The following EPB41L2 variants were observed in gnomAD, a reference collection of about 807,000 sequenced individuals.
The protein encoded by EPB41L2 is erythrocyte membrane protein band 4.1 like 2.
A neutral mutation model predicts 113.0 loss-of-function variants in EPB41L2; 43 were observed. That is an observed-to-expected ratio of 0.38 (90% confidence interval 0.30 to 0.49). The LOEUF (loss-of-function observed/expected upper bound fraction) is 0.49. EPB41L2 is among the 20% of genes least tolerant of loss of function. The pLI is 0.95. For synonymous variants in EPB41L2, 442 were observed against 436.7 expected (o/e 1.01, Z -0.15); for missense variants, 1,147 against 1,223.4 (o/e 0.94, Z 0.93).
chr6:130,942,099 A>G (rs1398409051), intron 3 of EPB41L2, among the ~76,000 whole-genome samples: 1 of 152,188 alleles, frequency 6.6e-6, no homozygotes, highest in Non-Finnish European at 1.5e-5. Context: ...CAATCCCTTT[A>G]AGCTCCAAAT....
At chr6:130,850,269 G>T (rs879369101) in intron 19 of EPB41L2, among the ~76,000 whole-genome samples, 5 of 152,044 alleles carry the variant, frequency 3.3e-5, no homozygotes, top group Non-Finnish European at 2.9e-5. Context: ...CAACCTTCGT[G>T]GCATACCAAC....
At chr6:130,928,353 C>T (rs745883490) in intron 3 of EPB41L2, among the ~76,000 whole-genome samples, 9 of 152,158 alleles carry the variant, frequency 5.9e-5, no homozygotes, top group South Asian at 2.1e-4. Flanking sequence ...AGACACTTAA[C>T]GTCTGCTTGC....
chr6:131,041,161 TACTGTCA>T (rs1794386174), intron 1 of EPB41L2, among the ~76,000 whole-genome samples: 1 of 152,186 alleles, frequency 6.6e-6, no homozygotes, highest in Admixed American at 6.5e-5. Context: ...ATTAGAGAAC[TACTGTCA>T]ACTGATATAA....
intron 4 of EPB41L2, among the ~76,000 whole-genome samples, chr6:130,923,970 A>G (rs895049557): frequency 6.6e-6 from 1 of 152,130 alleles, no homozygotes; most frequent in Admixed American, 6.5e-5. Flanking sequence ...CCCATTAAAC[A>G]ATTCCTCAAC....
chr6:130,914,334 T>C (rs982520465), intron 4 of EPB41L2, among the ~76,000 whole-genome samples: 4 of 152,236 alleles, frequency 2.6e-5, no homozygotes, highest in Non-Finnish European at 4.4e-5. Context: ...TGATGTGTTA[T>C]ATACATTAAA....
chr6:130,993,588 A>C (rs1264534215), intron 1 of EPB41L2, among the ~76,000 whole-genome samples: 2 of 152,202 alleles, frequency 1.3e-5, no homozygotes, highest in South Asian at 4.1e-4. Flanking sequence ...TGTAACTGCT[A>C]GGTAGTACCC....
chr6:131,012,323 G>A (rs762288526), intron 1 of EPB41L2, among the ~76,000 whole-genome samples: 1 of 150,648 alleles, frequency 6.6e-6, no homozygotes, highest in Non-Finnish European at 1.5e-5. Context: ...CTAAGTCAGG[G>A]TTTCTCAACC....
intron 3 of EPB41L2, 134 bp downstream of exon 3, chr6:130,954,971 C>A: frequency 2.6e-6 from 2 of 772,870 alleles, no homozygotes; most frequent in Non-Finnish European, 2.2e-6. Context: ...TGATGACCCA[C>A]TTCAATGTAT....
intron 1 of EPB41L2, among the ~76,000 whole-genome samples, chr6:131,044,291 G>A (rs576328639): frequency 6.6e-5 from 10 of 151,922 alleles, no homozygotes; most frequent in African/African-American, 1.7e-4. Context: ...CTCCCAAAGC[G>A]CTGGGATCAC....
At chr6:130,907,977 T>A (rs1003220952) in intron 5 of EPB41L2, among the ~76,000 whole-genome samples, 1 of 152,200 alleles carries the variant, frequency 6.6e-6, no homozygotes, top group African/African-American at 2.4e-5. Flanking sequence ...AGCCTTCAGA[T>A]TTTATTCTCC....
At chr6:130,964,515 T>C (rs1028304465) in intron 1 of EPB41L2, among the ~76,000 whole-genome samples, 11 of 146,852 alleles carry the variant, frequency 7.5e-5, no homozygotes, top group Non-Finnish European at 1.6e-4. Context: ...GGATACAAAA[T>C]GTACTCACTG....
intron 14 of EPB41L2, chr6:130,872,471 G>A (rs761874314): frequency 3.1e-6 from 4 of 1,289,222 alleles, no homozygotes; most frequent in Middle Eastern, 2.1e-4. Context: ...TGAAGTGAAG[G>A]TGGCTTTCAT....
intron 4 of EPB41L2, among the ~76,000 whole-genome samples, chr6:130,922,682 T>C (rs763973841): frequency 2.0e-5 from 3 of 152,178 alleles, no homozygotes; most frequent in Admixed American, 1.3e-4. Flanking sequence ...GGAAGGTGCC[T>C]GCTGCCTAGT....
chr6:131,030,378 T>C (rs1791895344), intron 1 of EPB41L2, among the ~76,000 whole-genome samples: 1 of 152,240 alleles, frequency 6.6e-6, no homozygotes, highest in Non-Finnish European at 1.5e-5. Context: ...AATGAAAGTA[T>C]TTCTCAACTG....
intron 18 of EPB41L2, 59 bp from the exon 19 acceptor site, chr6:130,858,302 G>A: frequency 7.5e-7 from 1 of 1,327,604 alleles, no homozygotes; most frequent in Non-Finnish European, 1.1e-6. Context: ...ACCTCACAAT[G>A]GCAAAACACA....
intron 1 of EPB41L2, among the ~76,000 whole-genome samples, chr6:131,029,100 A>G (rs1791494465): frequency 6.6e-6 from 1 of 152,192 alleles, no homozygotes; most frequent in African/African-American, 2.4e-5. Flanking sequence ...CACTCAGTAT[A>G]ACTCATCAGT....
chr6:130,928,501 A>C (rs1433875504), intron 3 of EPB41L2, among the ~76,000 whole-genome samples: 1 of 152,258 alleles, frequency 6.6e-6, no homozygotes, highest in Non-Finnish European at 1.5e-5. Flanking sequence ...TATTTAAGAC[A>C]ACTGATGTCT....
intron 16 of EPB41L2, 43 bp downstream of exon 16, chr6:130,867,416 G>C (rs201927215): frequency 4.4e-6 from 7 of 1,596,702 alleles, no homozygotes; most frequent in Admixed American, 3.5e-5. Flanking sequence ...GATACACTAA[G>C]GGAAAAAAGA....
chr6:130,925,190 C>CTTTTTT (rs398048854), intron 4 of EPB41L2, among the ~76,000 whole-genome samples: 22 of 130,418 alleles, frequency 1.7e-4, no homozygotes, highest in East Asian at 4.5e-4. Context: ...GATTTCTTTT[C>CTTTTTT]TTTTTTTTTT....
Sources: allele counts gnomAD v4.1 joint callset (sites outside exome capture counted in the v4.1 genomes callset), GRCh38; gene constraint gnomAD v4.1.1; transcripts MANE v1.5; gene names NCBI Gene and HGNC (gene_info 2026-07-23, HGNC 2026-07-21).